STK4: variants seen among roughly 807,000 people sequenced by gnomAD.
STK4 encodes the protein serine/threonine-protein kinase 4.
STK4 carries 30 observed loss-of-function variants against 64.9 expected under a neutral mutation model. The observed-to-expected ratio is 0.46, with a 90% CI of 0.35 to 0.63. The LOEUF is 0.63. STK4 is among the 20% of genes least tolerant of loss of function. The probability of loss-of-function intolerance (pLI) is 0.01; values close to 1 mark genes in which losing one functional copy is unlikely to be tolerated. For synonymous variants in STK4, 177 were observed against 199.0 expected, an observed-to-expected ratio of 0.89 and a Z score of 0.93; for missense variants, 466 against 598.5, an observed-to-expected ratio of 0.78 and a Z score of 2.31.
At chr20:45,008,621 C>A (rs2067992414) in intron 9 of STK4, among the ~76,000 whole-genome samples, 1 of 152,198 alleles carries the variant, frequency 6.6e-6, no homozygotes, top group Non-Finnish European at 1.5e-5. Flanking sequence ...CTGCTTTTTA[C>A]AGTGGCTGAA....
At chr20:45,040,180 C>A (rs1174121773) in intron 10 of STK4, among the ~76,000 whole-genome samples, 2 of 151,372 alleles carry the variant, frequency 1.3e-5, no homozygotes, top group African/African-American at 2.4e-5. Context: ...TGTCTGGATG[C>A]CATTTCATTA....
intron 3 of STK4, among the ~76,000 whole-genome samples, chr20:44,980,776 C>A (rs1463701638): frequency 6.6e-6 from 1 of 151,528 alleles, no homozygotes; most frequent in East Asian, 2.0e-4. Flanking sequence ...TCATGCCATT[C>A]TCCTGCCTCA....
chr20:44,989,930 T>TAA (rs2145672413), intron 5 of STK4, among the ~76,000 whole-genome samples: 1 of 152,298 alleles, frequency 6.6e-6, no homozygotes, highest in African/African-American at 2.4e-5. Flanking sequence ...TTCTGTGCTG[T>TAA]CTTGATTACT....
intron 10 of STK4, among the ~76,000 whole-genome samples, chr20:45,070,758 G>GGC (rs1286615951): frequency 6.6e-6 from 1 of 151,944 alleles, no homozygotes; most frequent in Non-Finnish European, 1.5e-5. Context: ...GCAGGTGGCA[G>GGC]GCGCCTGTAA....
At chr20:44,973,487 G>C (rs2067287232) in intron 2 of STK4, 2 of 152,202 alleles carry the variant, frequency 1.3e-5, no homozygotes, top group South Asian at 4.1e-4. Flanking sequence ...TTCAGCTTTA[G>C]CTTGCCATCC....
At position 45,075,198 on chromosome 20, in the gene STK4, C is replaced by T; in HGVS notation, c.*22C>T. On this transcript the variant is annotated 3_prime_UTR_variant, in exon 11 of 11. Transcript: ENST00000372806. ...CTGAGCAAGGCCAGGCTGTGAGGGC[C>T]CCAGCTCCACCCAGGCTTTGGGTGA... is the stretch of plus-strand genomic sequence containing the variant. 1 of 1,609,866 alleles carries T rather than the reference C, an allele frequency of 6.2e-7. No individual in the cohort carries two copies. The highest frequency in any genetic ancestry group is 8.5e-7 in the Non-Finnish European group (1 of 1,179,088).
intron 3 of STK4, among the ~76,000 whole-genome samples, chr20:44,981,425 G>T (rs1212278332): frequency 6.6e-6 from 1 of 152,098 alleles, no homozygotes; most frequent in Non-Finnish European, 1.5e-5. Context: ...AAAGTGTTGG[G>T]ATTACAGGTG....
intron 10 of STK4, among the ~76,000 whole-genome samples, chr20:45,061,837 A>G (rs553381148): frequency 2.0e-4 from 30 of 147,568 alleles, no homozygotes; most frequent in African/African-American, 6.7e-4. Context: ...GAGAACATGC[A>G]GTATTTGTTT....
At chr20:44,988,079 T>G (rs914210314) in intron 5 of STK4, among the ~76,000 whole-genome samples, 2 of 152,048 alleles carry the variant, frequency 1.3e-5, no homozygotes, top group African/African-American at 4.8e-5. Flanking sequence ...AATCAGAACC[T>G]TATTCAGTAT....
rs1980496142 is a variant in STK4, at chr20:45,076,121, G to C, written c.*945G>C. On this transcript the variant is annotated 3_prime_UTR_variant, in exon 11 of 11. Coordinates refer to ENST00000372806, the MANE Select transcript of STK4 (RefSeq NM_006282.5). The surrounding 1 kb of genome is among the most constrained non-coding windows in gnomAD (Gnocchi z 4.0). ...TTGCTCCACATTCCTTACACACAGG[G>C]GTAGAGGGGATTGCTTTTGTGACCC... is the stretch of plus-strand genomic sequence containing the variant. The C allele has an allele frequency of 6.6e-6, 1 of 152,530 alleles. No individual in the cohort carries two copies. Among genetic ancestry groups the C allele is most frequent in the African/African-American group, 2.4e-5 (1 of 41,414 alleles). The allele number at this position is 152,530 out of a possible 1,614,324, so 9.4% of individuals were successfully genotyped here.
intron 10 of STK4, among the ~76,000 whole-genome samples, chr20:45,057,651 G>A (rs953854725): frequency 1.6e-4 from 25 of 152,108 alleles, no homozygotes; most frequent in Non-Finnish European, 3.2e-4. Flanking sequence ...TGTTCAAGAT[G>A]TTTGCTCATT....
intron 10 of STK4, among the ~76,000 whole-genome samples, chr20:45,038,865 A>C (rs181526853): frequency 1.4e-4 from 21 of 152,232 alleles, no homozygotes; most frequent in African/African-American, 5.0e-4. Flanking sequence ...TTCCCAAAAC[A>C]AAAACAAATG....
chr20:45,048,740 C>T (rs1184491103), intron 10 of STK4, among the ~76,000 whole-genome samples: 1 of 152,134 alleles, frequency 6.6e-6, no homozygotes, highest in Non-Finnish European at 1.5e-5. Flanking sequence ...CCTCGGCCTC[C>T]CAAAGTGCTG....
At chr20:44,995,639 C>G (rs1343392228) in intron 6 of STK4, among the ~76,000 whole-genome samples, 1 of 145,556 alleles carries the variant, frequency 6.9e-6, no homozygotes, top group Non-Finnish European at 1.5e-5. Flanking sequence ...AGTTCAATGG[C>G]TTACTTGTTT....
At chr20:45,049,651 G>A (rs1282648772) in intron 10 of STK4, among the ~76,000 whole-genome samples, 2 of 152,162 alleles carry the variant, frequency 1.3e-5, no homozygotes, top group East Asian at 1.9e-4. Flanking sequence ...ATTGCTAAAC[G>A]GATGTTTAAC....
At chr20:45,054,647 A>G (rs1211195426) in intron 10 of STK4, among the ~76,000 whole-genome samples, 1 of 151,366 alleles carries the variant, frequency 6.6e-6, no homozygotes, top group Non-Finnish European at 1.5e-5. Context: ...TTTGATTTCA[A>G]CCACTTGCGG....
chr20:44,987,116 C>T lies in STK4; in HGVS notation c.361-16C>T. ...ATGTAAACTGATAGAATTTGAACTTCTTATTCTTTTTTCAGTTAACAGAAG... is the reference window on the plus strand; with the variant it reads ...ATGTAAACTGATAGAATTTGAACTTTTTATTCTTTTTTCAGTTAACAGAAG... On this transcript the variant is annotated splice_polypyrimidine_tract_variant and intron_variant, in intron 4 of 10. Transcript: ENST00000372806. 6.4e-7 allele frequency: 1 copy of T among 1,563,400 alleles called. No individual in the cohort carries two copies. Among genetic ancestry groups the T allele is most frequent in the South Asian group, 1.2e-5 (1 of 84,410 alleles).
intron 1 of STK4, among the ~76,000 whole-genome samples, chr20:44,970,862 A>G (rs1445073859): frequency 1.3e-5 from 2 of 150,322 alleles, no homozygotes; most frequent in African/African-American, 4.9e-5. Context: ...TCTAATTTTA[A>G]TCTGTTTTAT....
intron 10 of STK4, among the ~76,000 whole-genome samples, chr20:45,070,338 C>T (rs140777798): frequency 6.6e-6 from 1 of 152,090 alleles, no homozygotes; most frequent in African/African-American, 2.4e-5. Flanking sequence ...CAGCCTGGAC[C>T]AAGGTAGATG....
Sources: allele counts gnomAD v4.1 joint callset (sites outside exome capture counted in the v4.1 genomes callset), GRCh38; gene constraint gnomAD v4.1.1; non-coding constraint Gnocchi (gnomAD v3.1); transcripts MANE v1.5; gene names NCBI Gene and HGNC (gene_info 2026-07-23, HGNC 2026-07-21).